The following NIBAN2 variants were observed in gnomAD, a reference collection of about 807,000 sequenced individuals.
The protein encoded by NIBAN2 is niban apoptosis regulator 2, also known as protein Niban 2.
Under a neutral mutation model 81.8 loss-of-function variants are expected in NIBAN2, and 36 were observed. The ratio of observed to expected loss-of-function variants is 0.44; its 90% CI spans 0.34 to 0.58. The LOEUF is 0.58. NIBAN2 is among the 20% of genes least tolerant of loss of function. The pLI, the probability that NIBAN2 is intolerant of heterozygous loss-of-function variation, is 0.02. For missense variants in NIBAN2, 897 were observed against 1,014.1 expected (o/e 0.88, Z 1.57); for synonymous variants, 445 against 441.6 (o/e 1.01, Z -0.10).
At chr9:127,543,106 C>T (rs1837411185) in intron 1 of NIBAN2, among the ~76,000 whole-genome samples, 1 of 152,232 alleles carries the variant, frequency 6.6e-6, no homozygotes, top group African/African-American at 2.4e-5. Flanking sequence ...CAATGACAGC[C>T]GTGTGACCCT....
chr9:127,515,414 A>G (rs567033162), intron 8 of NIBAN2, among the ~76,000 whole-genome samples: 2 of 150,686 alleles, frequency 1.3e-5, no homozygotes, highest in Non-Finnish European at 3.0e-5. Context: ...CCAGCTACTC[A>G]GGAGGCTGAG....
intron 1 of NIBAN2, among the ~76,000 whole-genome samples, chr9:127,565,320 G>A (rs1422077765): frequency 1.3e-5 from 2 of 152,118 alleles, no homozygotes; most frequent in African/African-American, 4.8e-5. Context: ...AGATTTAGGA[G>A]GGACTAGGAG....
At chr9:127,524,842 G>C (rs546028458) in intron 4 of NIBAN2, 1 of 529,540 alleles carries the variant, frequency 1.9e-6, no homozygotes, top group African/African-American at 1.9e-5. Flanking sequence ...TGACCCACAG[G>C]TTTACGAGGG....
Position 127,508,007 on chromosome 9 carries a change from G to A in NIBAN2, c.1543-29C>T, listed in dbSNP as rs1836644368. 2 of 1,612,908 alleles carry A rather than the reference G, an allele frequency of 1.2e-6. No homozygotes were observed. The highest frequency in any genetic ancestry group is 2.2e-5 in the South Asian group (2 of 91,060). On this transcript the variant is annotated intron_variant, in intron 12 of 13. Coordinates refer to ENST00000373312, the MANE Select transcript of NIBAN2 (RefSeq NM_022833.4). This position sits in a 1 kb window ranked among gnomAD's most constrained non-coding sequence, Gnocchi z 6.4. ...CCCGGGTGGGGCGGCAGAGATGAGA[G>A]GTCAGGGCCAAGGGTAGAGGGAGGC...
rs751415804 is a variant in NIBAN2 at position 127,508,491 on chromosome 9, C to T, written c.1365G>A (p.Glu455=). The part of the protein sequence containing the change: ...VYTFETLLHQ[E]LGKGPTKEEL... ...CCTCCTTGGTGGGCCCCTTCCCCAGCTCCTGGTGCAGGAGGGTCTCGAACG... is the reference window on the plus strand; with the variant it reads ...CCTCCTTGGTGGGCCCCTTCCCCAGTTCCTGGTGCAGGAGGGTCTCGAACG... The change falls in exon 11 of 14, where the codon GAG becomes GAA. Residue 455 remains glutamate, a synonymous_variant. Transcript: ENST00000373312. The surrounding 1 kb of genome is among the most constrained non-coding windows in gnomAD (Gnocchi z 6.4). The T allele has an allele frequency of 1.4e-5, 23 of 1,613,852 alleles. No individual in the cohort carries two copies. The African/African-American group carries it at 2.9e-4, about 21-fold the overall frequency.
chr9:127,536,891 C>A lies in NIBAN2; in HGVS notation c.56-5113G>T, dbSNP rs1389313164. On this transcript the variant is annotated intron_variant, in intron 1 of 13. Transcript: ENST00000373312. This position sits in a 1 kb window ranked among gnomAD's most constrained non-coding sequence, Gnocchi z 4.0. ...CTGGCTGTGCCCCCATCTACAGAGG[C>A]AGGGCTGGCCCGCAGGTCCTGGGCC... Among the ~76,000 whole-genome samples, 1 of 152,224 alleles carries A rather than the reference C, an allele frequency of 6.6e-6. No homozygotes were observed. Among genetic ancestry groups the A allele is most frequent in the Non-Finnish European group, 1.5e-5 (1 of 68,028 alleles).
intron 5 of NIBAN2, among the ~76,000 whole-genome samples, chr9:127,523,200 TA>T (rs1836990594): frequency 2.2e-4 from 1 of 4,640 alleles, no homozygotes; most frequent in African/African-American, 7.4e-4. Flanking sequence ...AAAATATATA[TA>T]TATATATATA....
chr9:127,506,624 T>C lies in NIBAN2; in HGVS notation c.*221A>G. ...GCAGGAAAACCCCAAAACCAGCCCCTGCATCTGAGATCATCCCACAGAAGA... is the reference window on the plus strand; with the variant it reads ...GCAGGAAAACCCCAAAACCAGCCCCCGCATCTGAGATCATCCCACAGAAGA... On this transcript the variant is annotated 3_prime_UTR_variant, in exon 14 of 14. Transcript: ENST00000373312. The C allele has an allele frequency of 2.3e-6, 1 of 435,710 alleles. No individual in the cohort carries two copies. Among genetic ancestry groups the C allele is most frequent in the Non-Finnish European group, 4.0e-6 (1 of 248,202 alleles). The allele number at this position is 435,710 out of a possible 1,614,324, so 27.0% of individuals were successfully genotyped here. A position where few individuals can be genotyped will look rare whatever the true frequency, so the allele number is the denominator to read the frequency against.
intron 4 of NIBAN2, 57 bp downstream of exon 4, chr9:127,525,001 T>C: frequency 1.4e-6 from 2 of 1,398,490 alleles, no homozygotes; most frequent in Non-Finnish European, 1.0e-6. Flanking sequence ...ACCCCTCCCC[T>C]GGCCAGCTCC....
At position 127,559,857 on chromosome 9, in the gene NIBAN2, T is replaced by A. The variant is rs1001155790; in HGVS notation, c.55+8963A>T. On this transcript the variant is annotated intron_variant, in intron 1 of 13. Coordinates refer to ENST00000373312, the MANE Select transcript of NIBAN2 (RefSeq NM_022833.4). This position sits in a 1 kb window ranked among gnomAD's most constrained non-coding sequence, Gnocchi z 4.0. The stretch of plus-strand genomic sequence containing the variant: ...TGGCCAATGTCCTATGTGAACCACA[T>A]AGAACGGTAACAGTGGATGAACCAG... Among the ~76,000 whole-genome samples, 2 of 152,076 alleles carry A rather than the reference T, an allele frequency of 1.3e-5. No individual in the cohort carries two copies. The highest frequency in any genetic ancestry group is 6.5e-5 in the Admixed American group (1 of 15,282).
chr9:127,556,511 C>CA (rs1349546446), intron 1 of NIBAN2, among the ~76,000 whole-genome samples: 6 of 152,176 alleles, frequency 3.9e-5, no homozygotes. Context: ...GGAACTAAAA[C>CA]AATTTGCACT....
intron 2 of NIBAN2, 35 bp from the exon 3 acceptor site, chr9:127,527,357 G>C: frequency 6.3e-7 from 1 of 1,595,614 alleles, no homozygotes; most frequent in South Asian, 1.1e-5. Context: ...TGAGGCCCAG[G>C]TCTGGGGGGG....
chr9:127,528,330 C>T (rs987482717), intron 2 of NIBAN2, among the ~76,000 whole-genome samples: 10 of 152,190 alleles, frequency 6.6e-5, no homozygotes, highest in African/African-American at 1.4e-4. Flanking sequence ...GAAGAGGCTT[C>T]GTCTTGGATG....
In NIBAN2 at chr9:127,568,954, T is replaced by G. The variant is rs1837907362; in HGVS notation, c.-80A>C. ...GCTCAGGCGGACGCCGCTGGCGCCA[T>G]GGAGCCCGGCCCGCCCTGCTTCCCC... On this transcript the variant is annotated 5_prime_UTR_variant, in exon 1 of 14. The change abolishes an upstream ATG in the 5' untranslated region. Coordinates refer to ENST00000373312, the MANE Select transcript of NIBAN2 (RefSeq NM_022833.4). 8.5e-7 allele frequency: 1 copy of G among 1,172,804 alleles called. No individual in the cohort carries two copies. Among genetic ancestry groups the G allele is most frequent in the East Asian group, 3.9e-5 (1 of 25,520 alleles). The allele number at this position is 1,172,804 out of a possible 1,614,324, so 72.6% of individuals were successfully genotyped here. A position where few individuals can be genotyped will look rare whatever the true frequency, so the allele number is the denominator to read the frequency against.
At chr9:127,570,190 T>C (rs1329722732), upstream of NIBAN2, among the ~76,000 whole-genome samples, 1 of 152,186 alleles carries the variant, frequency 6.6e-6, no homozygotes, top group East Asian at 1.9e-4. Context: ...GACTGTGGCA[T>C]AAGGCAGGAA....
At chr9:127,544,570 C>T (rs1837437604) in intron 1 of NIBAN2, among the ~76,000 whole-genome samples, 1 of 151,934 alleles carries the variant, frequency 6.6e-6, no homozygotes, top group South Asian at 2.1e-4. Context: ...GTGGCATGAT[C>T]TCAGCTCGCT....
Position 127,523,722 on chromosome 9 carries a change from C to T in NIBAN2, c.546G>A (p.Lys182=). The T allele has an allele frequency of 1.2e-6, 2 of 1,613,968 alleles. No homozygotes were observed. Residue 182 remains lysine (K), a synonymous_variant, in exon 5 of 14, where the codon AAG becomes AAA. Transcript: ENST00000373312. ...TGCAGTCCTGCAGCACAGCCTGCCA[C>T]TTGTCCTGCTCGGCTTCTGTCATCA... ...FCMMTEAEQD[K]WQAVLQDCIR...
intron 1 of NIBAN2, among the ~76,000 whole-genome samples, chr9:127,550,819 T>C (rs1837562227): frequency 6.6e-6 from 1 of 152,216 alleles, no homozygotes; most frequent in Admixed American, 6.5e-5. Flanking sequence ...CACTACCTCC[T>C]CATGGAAACT....
chr9:127,563,747 C>T lies in NIBAN2; in HGVS notation c.55+5073G>A, dbSNP rs1354819166. On this transcript the variant is annotated intron_variant, in intron 1 of 13. Transcript: ENST00000373312. The surrounding 1 kb of genome is among the most constrained non-coding windows in gnomAD (Gnocchi z 4.1). ...GCCAGGCTGGTCTCAAACTCTTGAC[C>T]TCAGGTGATCTGCCTGCCTGTCTCC... 6.6e-6 allele frequency among the ~76,000 whole-genome samples: 1 copy of T among 152,140 alleles called. No individual in the cohort carries two copies. The highest frequency in any genetic ancestry group is 1.5e-5 in the Non-Finnish European group (1 of 68,026).
Sources: gnomAD v4.1 joint callset for allele counts (sites outside exome capture counted in the v4.1 genomes callset) on GRCh38, gnomAD v4.1.1 for gene constraint, Gnocchi (gnomAD v3.1) non-coding constraint, MANE v1.5 for transcripts, NCBI Gene and HGNC (gene_info 2026-07-23, HGNC 2026-07-21) for gene names.